Variants in ZFHX2 observed in about 807,000 individuals in gnomAD.
ZFHX2 encodes zinc finger homeobox protein 2.
ZFHX2 carries 75 observed loss-of-function variants against 164.8 expected under a neutral mutation model. The ratio of observed to expected loss-of-function variants is 0.46; its 90% CI spans 0.38 to 0.55. The LOEUF is 0.55. ZFHX2 is among the 20% of genes least tolerant of loss of function. The pLI, the probability that ZFHX2 is intolerant of heterozygous loss-of-function variation, is 0.00. For synonymous variants in ZFHX2, 1,217 were observed against 1,351.4 expected (o/e 0.90, Z 2.18); for missense variants, 2,933 against 3,308.0 (o/e 0.89, Z 2.78).
intron 9 of ZFHX2, 37 bp from the exon 10 acceptor site, chr14:23,522,978 C>CTCT: frequency 7.0e-7 from 1 of 1,428,438 alleles, no homozygotes; most frequent in Non-Finnish European, 9.1e-7. Flanking sequence ...GATTAGCCAT[C>CTCT]TCCTGTCCCA....
intron 1 of ZFHX2, among the ~76,000 whole-genome samples, chr14:23,547,904 A>T (rs1397047559): frequency 3.9e-5 from 6 of 152,180 alleles, no homozygotes; most frequent in African/African-American, 1.2e-4. Flanking sequence ...CATGTGACTA[A>T]CCCTGAGTCT....
Position 23,533,978 on chromosome 14 carries a change from A to C in ZFHX2, c.1348T>G (p.Cys450Gly). The C allele has an allele frequency of 6.5e-7, 1 of 1,537,606 alleles. No individual in the cohort carries two copies. The highest frequency in any genetic ancestry group is 1.4e-5 in the African/African-American group (1 of 73,144). ...CACTTGGGACACTTGAGTGTCTTGC[A>C]GGAGTTGCGTGAGTGGAGCAGGGAC... ...HMSLLHSRNS[C>G]KTLKCPKCNW... Residue 450 changes from cysteine (C) to glycine (G), a missense_variant, in exon 2 of 10, where the codon TGC (cysteine) becomes GGC (glycine). Coordinates refer to ENST00000419474, the MANE Select transcript of ZFHX2 (RefSeq NM_033400.3). The surrounding 1 kb of genome is among the most constrained non-coding windows in gnomAD (Gnocchi z 4.8).
In ZFHX2 at chr14:23,551,461, C is replaced by T. The variant is rs1157516925; in HGVS notation, c.-168G>A. ...CGATGTGTTGATTCCTCTTTTTTCC[C>T]CTCCTCCTCCCTCCCTCCAGCGCTC... is the stretch of plus-strand genomic sequence containing the variant. On this transcript the variant is annotated 5_prime_UTR_variant, in exon 1 of 10. Coordinates refer to ENST00000419474, the MANE Select transcript of ZFHX2 (RefSeq NM_033400.3). This position sits in a 1 kb window ranked among gnomAD's most constrained non-coding sequence, Gnocchi z 5.3. 6.6e-6 allele frequency: 1 copy of T among 152,418 alleles called. No individual in the cohort carries two copies. The highest frequency in any genetic ancestry group is 2.4e-5 in the African/African-American group (1 of 41,378). The allele number at this position is 152,418 out of a possible 1,614,324, so 9.4% of individuals were successfully genotyped here. A position where few individuals can be genotyped will look rare whatever the true frequency, so the allele number is the denominator to read the frequency against.
rs1195769172 is a variant in ZFHX2, at chr14:23,522,304, T to C, written c.7377A>G (p.Ala2459=). 1.3e-6 allele frequency: 2 copies of C among 1,514,906 alleles called. No homozygotes were observed. Among genetic ancestry groups the C allele is most frequent in the African/African-American group, 2.8e-5 (2 of 72,612 alleles). 93.8% of individuals were successfully genotyped at this position (1,514,906 alleles called of 1,614,324 possible). Residue 2459 remains alanine, a synonymous_variant, in exon 10 of 10, where the codon GCA becomes GCG. Transcript: ENST00000419474. ...HRYLCRQCKM[A]FDGEAPATAH... is the part of the protein sequence containing the mutation. ...CAGTAGCCGGGGCCTCCCCGTCAAA[T>C]GCCATCTTGCACTGGCGGCACAGGT...
chr14:23,527,705 G>T lies in ZFHX2; in HGVS notation c.3034C>A (p.Pro1012Thr). 1 of 1,536,218 alleles carries T rather than the reference G, an allele frequency of 6.5e-7. No individual in the cohort carries two copies. ...QHAVQPKYRCPLCQEQLVGRP... is the reference protein window; with the variant it reads ...QHAVQPKYRCTLCQEQLVGRP... ...CCCACCAGCTGTTCCTGGCACAGTGGGCATCTGTACTTGGGCTGCACTGCA... is the reference window on the plus strand; with the variant it reads ...CCCACCAGCTGTTCCTGGCACAGTGTGCATCTGTACTTGGGCTGCACTGCA... The change falls in exon 7 of 10, where the codon CCA becomes ACA. Residue 1012 changes from proline to threonine, a missense_variant. By Grantham distance (38) the Pro-to-Thr change is conservative. Transcript: ENST00000419474.
In ZFHX2 at chr14:23,533,763, G is replaced by C; in HGVS notation, c.1563C>G (p.Gly521=). The change falls in exon 2 of 10, where the codon GGC becomes GGG. Residue 521 remains glycine (G), a synonymous_variant. Coordinates refer to ENST00000419474, the MANE Select transcript of ZFHX2 (RefSeq NM_033400.3). The surrounding 1 kb of genome is among the most constrained non-coding windows in gnomAD (Gnocchi z 4.8). ...CAGACTGCATATGGATGCTGAGGTTGCCTTTGGTGGTTGTAGAGTAGTTGC... is the reference window on the plus strand; with the variant it reads ...CAGACTGCATATGGATGCTGAGGTTCCCTTTGGTGGTTGTAGAGTAGTTGC... The part of the protein sequence containing the change: ...DVCNYSTTTK[G]NLSIHMQSDK... The C allele has an allele frequency of 6.4e-7, 1 of 1,557,914 alleles. No individual in the cohort carries two copies. The highest frequency in any genetic ancestry group is 1.4e-5 in the African/African-American group (1 of 73,746).
rs893970809 is a variant in ZFHX2 at position 23,522,087 on chromosome 14, T to C, written c.7594A>G (p.Ile2532Val). 3.9e-6 allele frequency: 6 copies of C among 1,536,036 alleles called. No individual in the cohort carries two copies. The highest frequency in any genetic ancestry group is 2.7e-5 in the African/African-American group (2 of 73,046). The change falls in exon 10 of 10, where the codon ATC (isoleucine) becomes GTC (valine). Residue 2532 changes from isoleucine (I) to valine (V), a missense_variant. By Grantham distance (29) the Ile-to-Val change is conservative. Transcript: ENST00000419474. ...KAAPPQGGPP[I>V]SITNAATAAS... is the part of the protein sequence containing the mutation. Reference sequence around the variant, plus strand: ...GCAGTGGCGGCGTTGGTGATGGAGATGGGTGGGCCCCCTTGAGGTGGGGCT... The same window carrying C: ...GCAGTGGCGGCGTTGGTGATGGAGACGGGTGGGCCCCCTTGAGGTGGGGCT...
At chr14:23,527,913 T>C in intron 6 of ZFHX2, 109 bp from the exon 7 acceptor site, 1 of 1,059,166 alleles carries the variant, frequency 9.4e-7, no homozygotes, top group Non-Finnish European at 1.3e-6. Context: ...TTTTTTTTTT[T>C]TTTTTTTTTT....
upstream of ZFHX2, among the ~76,000 whole-genome samples, chr14:23,554,586 C>G (rs770754458): frequency 6.7e-6 from 1 of 149,830 alleles, no homozygotes; most frequent in Admixed American, 6.7e-5. Context: ...CAGGGTCTTC[C>G]TATGTTGCCC....
At chr14:23,530,534 T>C in intron 4 of ZFHX2, 1 of 506,528 alleles carries the variant, frequency 2.0e-6, no homozygotes, top group South Asian at 1.7e-5. Flanking sequence ...AGAAATGTAG[T>C]AGGAGGGGCA....
chr14:23,537,655 G>A (rs1301288962), intron 1 of ZFHX2, among the ~76,000 whole-genome samples: 3 of 152,150 alleles, frequency 2.0e-5, no homozygotes, highest in Admixed American at 2.0e-4. Context: ...GGAGGTCGGG[G>A]GAGTTGGAGA....
intron 1 of ZFHX2, among the ~76,000 whole-genome samples, chr14:23,545,191 A>G (rs1352527291): frequency 6.6e-6 from 1 of 152,128 alleles, no homozygotes; most frequent in Non-Finnish European, 1.5e-5. Flanking sequence ...GCAAAGACAA[A>G]CAAGGAGCAG....
intron 1 of ZFHX2, among the ~76,000 whole-genome samples, chr14:23,537,744 G>A (rs910158115): frequency 5.3e-5 from 8 of 152,174 alleles, no homozygotes; most frequent in African/African-American, 1.9e-4. Context: ...TCAAGTTGAG[G>A]GAGAAAGGTA....
rs1881917113 is a variant in ZFHX2 at position 23,551,183 on chromosome 14, C to T, written c.-50+160G>A. On this transcript the variant is annotated intron_variant, in intron 1 of 9. Coordinates refer to ENST00000419474, the MANE Select transcript of ZFHX2 (RefSeq NM_033400.3). The surrounding 1 kb of genome is among the most constrained non-coding windows in gnomAD (Gnocchi z 5.3). ...TCTGTCTGTCCGTCCGTCCTTGTCC[C>T]CTCCCCCAGCCCCTTCCCGTCCCTC... Among the ~76,000 whole-genome samples the T allele has an allele frequency of 6.6e-6, 1 of 152,078 alleles. No homozygotes were observed. Among genetic ancestry groups the T allele is most frequent in the Admixed American group, 6.5e-5 (1 of 15,274 alleles).
rs866565573 is a variant in ZFHX2, at chr14:23,534,067, C to T, written c.1259G>A (p.Arg420His). 1.4e-5 allele frequency: 21 copies of T among 1,524,090 alleles called. No homozygotes were observed. Among genetic ancestry groups the T allele is most frequent in the East Asian group, 7.4e-5 (3 of 40,750 alleles). 94.4% of individuals were successfully genotyped at this position (1,524,090 alleles called of 1,614,324 possible). ...EDPSDPPQPY[R>H]LADDYTPAPA... is the part of the protein sequence containing the mutation. Reference sequence around the variant, plus strand: ...GGCTGGGGTGTAGTCATCAGCTAGGCGATAGGGCTGGGGTGGGTCACTGGG... The same window carrying T: ...GGCTGGGGTGTAGTCATCAGCTAGGTGATAGGGCTGGGGTGGGTCACTGGG... Residue 420 changes from arginine to histidine, a missense_variant, in exon 2 of 10, where the codon CGC (arginine) becomes CAC (histidine). Transcript: ENST00000419474. The surrounding 1 kb of genome is among the most constrained non-coding windows in gnomAD (Gnocchi z 4.5).
intron 1 of ZFHX2, among the ~76,000 whole-genome samples, chr14:23,548,000 G>A (rs1042341076): frequency 4.6e-5 from 7 of 152,176 alleles, no homozygotes; most frequent in African/African-American, 1.7e-4. Context: ...TGTGCCCTCT[G>A]GCATTTCACA....
Position 23,531,724 on chromosome 14 carries a change from A to T in ZFHX2, c.2560-3T>A. The T allele has an allele frequency of 1.6e-5, 22 of 1,339,562 alleles. No individual in the cohort carries two copies. The highest frequency in any genetic ancestry group is 2.0e-5 in the Non-Finnish European group (21 of 1,041,728). 83.0% of individuals were successfully genotyped at this position (1,339,562 alleles called of 1,614,324 possible). On this transcript the variant is annotated splice_polypyrimidine_tract_variant and splice_region_variant and intron_variant, in intron 3 of 9. Coordinates refer to ENST00000419474, the MANE Select transcript of ZFHX2 (RefSeq NM_033400.3). ...GCTCCCTCCATGTCCAGCAGAAACTAGAACCATGGGAAGAGGCTGGCTCAG... is the reference window on the plus strand; with the variant it reads ...GCTCCCTCCATGTCCAGCAGAAACTTGAACCATGGGAAGAGGCTGGCTCAG...
At chr14:23,527,521 C>T in intron 7 of ZFHX2, 83 bp downstream of exon 7, 1 of 1,498,884 alleles carries the variant, frequency 6.7e-7, no homozygotes, top group Non-Finnish European at 9.0e-7. Flanking sequence ...CATGCACCTG[C>T]CTGAATACCC....
intron 7 of ZFHX2, 130 bp from the exon 8 acceptor site, chr14:23,527,103 A>G: frequency 7.5e-7 from 1 of 1,337,570 alleles, no homozygotes; most frequent in Non-Finnish European, 9.7e-7. Context: ...CTGTCTGAAC[A>G]AACCTCCCAC....
Sources: allele counts gnomAD v4.1 joint callset (sites outside exome capture counted in the v4.1 genomes callset), GRCh38; gene constraint gnomAD v4.1.1; non-coding constraint Gnocchi (gnomAD v3.1); transcripts MANE v1.5; gene names NCBI Gene and HGNC (gene_info 2026-07-23, HGNC 2026-07-21).